Variants in FRMD5 observed in about 807,000 individuals in gnomAD.
FRMD5 encodes FERM domain-containing protein 5.
FRMD5 carries 20 observed loss-of-function variants against 69.0 expected under a neutral mutation model. The ratio of observed to expected loss-of-function variants is 0.29; its 90% CI spans 0.20 to 0.42. The LOEUF (loss-of-function observed/expected upper bound fraction) is 0.42, where lower values mean the gene tolerates loss of function less well. FRMD5 is among the 10% of genes least tolerant of loss of function. FRMD5 has a pLI of 1.00. For synonymous variants in FRMD5, 271 were observed against 260.1 expected (o/e 1.04, Z -0.40); for missense variants, 595 against 708.6 (o/e 0.84, Z 1.82).
chr15:43,893,512 G>T (rs2088844064), intron 7 of FRMD5, among the ~76,000 whole-genome samples: 2 of 152,200 alleles, frequency 1.3e-5, no homozygotes, highest in Admixed American at 1.3e-4. Flanking sequence ...TTTGTGACAG[G>T]GGCGTCAGGT....
At chr15:44,143,707 C>G (rs202109039) in intron 1 of FRMD5, among the ~76,000 whole-genome samples, 1 of 151,138 alleles carries the variant, frequency 6.6e-6, no homozygotes, top group Non-Finnish European at 1.5e-5. Context: ...AGGCTGATCA[C>G]GAGGCCAGGA....
At chr15:44,172,822 C>T (rs937013281) in intron 1 of FRMD5, among the ~76,000 whole-genome samples, 9 of 152,098 alleles carry the variant, frequency 5.9e-5, no homozygotes, top group African/African-American at 1.7e-4. Flanking sequence ...AAAAGTTTTC[C>T]TTCTCTTAAC....
intron 8 of FRMD5, among the ~76,000 whole-genome samples, chr15:43,890,674 T>C (rs1197370578): frequency 2.0e-5 from 3 of 152,138 alleles, no homozygotes; most frequent in Admixed American, 2.0e-4. Context: ...CACAGTGAAG[T>C]GGGCCGACTT....
At chr15:44,136,015 C>T (rs2077179413) in intron 1 of FRMD5, among the ~76,000 whole-genome samples, 1 of 151,782 alleles carries the variant, frequency 6.6e-6, no homozygotes, top group South Asian at 2.1e-4. Context: ...TAGAACATTT[C>T]CCTTTTTTTC....
intron 1 of FRMD5, among the ~76,000 whole-genome samples, chr15:44,141,580 C>G (rs918495290): frequency 1.3e-5 from 2 of 152,164 alleles, no homozygotes; most frequent in African/African-American, 4.8e-5. Flanking sequence ...ATGTGAAAAG[C>G]AAAACTGCAG....
intron 1 of FRMD5, among the ~76,000 whole-genome samples, chr15:44,139,221 T>C (rs2077230426): frequency 6.6e-6 from 1 of 152,030 alleles, no homozygotes; most frequent in Non-Finnish European, 1.5e-5. Flanking sequence ...GAAATTTTTA[T>C]AATTATTTAT....
intron 1 of FRMD5, among the ~76,000 whole-genome samples, chr15:43,999,970 A>ATG (rs1890131616): frequency 9.5e-5 from 1 of 10,488 alleles, no homozygotes; most frequent in Non-Finnish European, 9.5e-4. Context: ...ATATATATAT[A>ATG]TATATATATA....
intron 1 of FRMD5, among the ~76,000 whole-genome samples, chr15:43,965,178 AG>A (rs1164226280): frequency 1.3e-5 from 2 of 152,214 alleles, no homozygotes; most frequent in Non-Finnish European, 2.9e-5. Context: ...GTACAGAGGC[AG>A]GGCTTGAAGG....
At chr15:44,117,535 T>C (rs2076886605) in intron 1 of FRMD5, among the ~76,000 whole-genome samples, 2 of 152,248 alleles carry the variant, frequency 1.3e-5, no homozygotes, top group South Asian at 4.1e-4. Flanking sequence ...ATGAAAGAAT[T>C]GGAGGGACGA....
At chr15:44,019,878 G>C (rs1243751304) in intron 1 of FRMD5, among the ~76,000 whole-genome samples, 1 of 151,096 alleles carries the variant, frequency 6.6e-6, no homozygotes, top group Non-Finnish European at 1.5e-5. Context: ...TCTAAATGTT[G>C]TATTTGTTAT....
chr15:44,008,621 A>G (rs1890569456), intron 1 of FRMD5, among the ~76,000 whole-genome samples: 1 of 152,040 alleles, frequency 6.6e-6, no homozygotes, highest in African/African-American at 2.4e-5. Context: ...AATTTTGTGT[A>G]AATGTATTTT....
At chr15:44,065,288 G>A (rs1893262776) in intron 1 of FRMD5, among the ~76,000 whole-genome samples, 1 of 152,130 alleles carries the variant, frequency 6.6e-6, no homozygotes, top group Admixed American at 6.5e-5. Flanking sequence ...GGTCCTGGTA[G>A]GACTAGGGTT....
intron 1 of FRMD5, among the ~76,000 whole-genome samples, chr15:43,966,575 T>C (rs959335924): frequency 1.3e-5 from 2 of 152,048 alleles, no homozygotes; most frequent in African/African-American, 4.8e-5. Context: ...GAAGACTCCA[T>C]AGAAGAGAAG....
At chr15:44,143,924 CAAA>C (rs58823511) in intron 1 of FRMD5, among the ~76,000 whole-genome samples, 1 of 92,718 alleles carries the variant, frequency 1.1e-5, no homozygotes, top group Non-Finnish European at 2.0e-5. Flanking sequence ...ACTCTGTCAC[CAAA>C]AAAAAAAAAA....
chr15:43,957,371 A>G (rs1270258952), intron 1 of FRMD5, among the ~76,000 whole-genome samples: 4 of 152,016 alleles, frequency 2.6e-5, no homozygotes, highest in Non-Finnish European at 5.9e-5. Flanking sequence ...AATTTTTTGT[A>G]TTTTTAGTAG....
intron 1 of FRMD5, among the ~76,000 whole-genome samples, chr15:44,002,438 C>A (rs561107744): frequency 6.6e-6 from 1 of 152,036 alleles, no homozygotes. Context: ...AGACAAGAAC[C>A]CCTCAGACAC....
chr15:44,116,916 T>C (rs1321785440), intron 1 of FRMD5, among the ~76,000 whole-genome samples: 1 of 148,134 alleles, frequency 6.8e-6, no homozygotes, highest in East Asian at 2.0e-4. Context: ...ACCCTGTCTC[T>C]ACTAAAAATA....
At chr15:43,915,983 T>G (rs1339445308) in intron 4 of FRMD5, among the ~76,000 whole-genome samples, 1 of 152,138 alleles carries the variant, frequency 6.6e-6, no homozygotes, top group Non-Finnish European at 1.5e-5. Flanking sequence ...AAAATGCAGC[T>G]AATTCCACAG....
At chr15:43,987,274 A>C (rs905107947) in intron 1 of FRMD5, among the ~76,000 whole-genome samples, 1 of 152,226 alleles carries the variant, frequency 6.6e-6, no homozygotes, top group African/African-American at 2.4e-5. Flanking sequence ...GAAAGGCCAA[A>C]AACTAGGCAT....
Sources: allele counts gnomAD v4.1 joint callset (sites outside exome capture counted in the v4.1 genomes callset), GRCh38; gene constraint gnomAD v4.1.1; transcripts MANE v1.5; gene names NCBI Gene and HGNC (gene_info 2026-07-23, HGNC 2026-07-21).